The following SLC24A2 variants were observed in gnomAD, a reference collection of about 807,000 sequenced individuals.
The protein encoded by SLC24A2 is solute carrier family 24 member 2, also known as sodium/potassium/calcium exchanger 2.
In SLC24A2, 36 loss-of-function variants were observed where a neutral mutation model predicts 62.0. That is an observed-to-expected ratio of 0.58 (90% CI 0.44 to 0.77). The LOEUF is 0.77. SLC24A2 is among the 30% of genes least tolerant of loss of function. The pLI, the probability that SLC24A2 is intolerant of heterozygous loss-of-function variation, is 0.00. For missense variants in SLC24A2, 846 were observed against 817.9 expected (o/e 1.03, Z -0.42); for synonymous variants, 358 against 294.0 (o/e 1.22, Z -2.23).
rs182686297 is a variant in SLC24A2 at position 19,612,240 on chromosome 9, C to T, written c.1078+7344G>A. Among the ~76,000 whole-genome samples, 22 of 152,260 alleles carry T rather than the reference C, an allele frequency of 1.4e-4. No individual in the cohort carries two copies. The East Asian group carries it at 3.7e-3, about 25-fold the overall frequency. Reference sequence around the variant, plus strand: ...TTCTATACTGAGGTCCTTTTCTGTCCATTTCTTAATAACATTTAGCATTTA... The same window carrying T: ...TTCTATACTGAGGTCCTTTTCTGTCTATTTCTTAATAACATTTAGCATTTA... On this transcript the variant is annotated intron_variant, in intron 4 of 10. Coordinates refer to ENST00000341998, the MANE Select transcript of SLC24A2 (RefSeq NM_020344.4).
chr9:19,995,774 A>G, the SLC24A2 span, among the ~76,000 whole-genome samples: 2 of 152,250 alleles, frequency 1.3e-5, no homozygotes, highest in Non-Finnish European at 2.9e-5. Context: ...AAATCTAGGC[A>G]GTGCACCCCA....
the SLC24A2 span, among the ~76,000 whole-genome samples, chr9:20,064,714 T>C: frequency 6.6e-6 from 1 of 152,204 alleles, no homozygotes; most frequent in African/African-American, 2.4e-5. Flanking sequence ...CTACCTTTCT[T>C]GGCCAACTGA....
chr9:20,275,589 T>C, the SLC24A2 span, among the ~76,000 whole-genome samples: 19 of 152,332 alleles, frequency 1.2e-4, no homozygotes, highest in Admixed American at 9.8e-4. Context: ...CTCATGTCTC[T>C]ATATCCAGGG....
chr9:19,911,416 C>T, the SLC24A2 span, among the ~76,000 whole-genome samples: 1 of 152,052 alleles, frequency 6.6e-6, no homozygotes, highest in African/African-American at 2.4e-5. Context: ...GATTTATAGT[C>T]CTTTGGGTAT....
the SLC24A2 span, among the ~76,000 whole-genome samples, chr9:20,258,196 AAT>A: frequency 3.9e-5 from 6 of 152,190 alleles, no homozygotes; most frequent in Non-Finnish European, 5.9e-5. Context: ...TGATTAAATT[AAT>A]ATGTGTGATT....
chr9:19,954,833 A>G, the SLC24A2 span, among the ~76,000 whole-genome samples: 6 of 152,120 alleles, frequency 3.9e-5, no homozygotes, highest in African/African-American at 7.2e-5. Context: ...CACATCTATA[A>G]GAAGAGAATC....
chr9:20,293,876 T>TGGC, the SLC24A2 span, among the ~76,000 whole-genome samples: 1 of 152,138 alleles, frequency 6.6e-6, no homozygotes, highest in Non-Finnish European at 1.5e-5. Flanking sequence ...GATCAGTCCA[T>TGGC]TTAACTTCAC....
chr9:19,947,808 AAAAGAAAG>A, the SLC24A2 span, among the ~76,000 whole-genome samples: 409 of 59,254 alleles, frequency 6.9e-3, 8 homozygotes, highest in East Asian at 0.037. Context: ...AAAAAAAAAA[AAAAGAAAG>A]AAAGAAAGAA....
At chr9:19,675,725 T>C (rs1819542152) in intron 2 of SLC24A2, among the ~76,000 whole-genome samples, 1 of 152,032 alleles carries the variant, frequency 6.6e-6, no homozygotes, top group Non-Finnish European at 1.5e-5. Context: ...AAGCACCAAG[T>C]TTATTTTCAG....
chr9:20,151,305 G>T, the SLC24A2 span, among the ~76,000 whole-genome samples: 87 of 151,958 alleles, frequency 5.7e-4, 1 homozygote, highest in African/African-American at 2.0e-3. Context: ...GGATTTTATA[G>T]ATCTTTTAAC....
chr9:19,876,232 T>C, the SLC24A2 span, among the ~76,000 whole-genome samples: 2 of 152,188 alleles, frequency 1.3e-5, no homozygotes, highest in African/African-American at 4.8e-5. Flanking sequence ...GTTCAATAGG[T>C]AATAATAAGA....
At chr9:20,066,702 G>T in the SLC24A2 span, among the ~76,000 whole-genome samples, 2 of 152,092 alleles carry the variant, frequency 1.3e-5, no homozygotes, top group Non-Finnish European at 2.9e-5. Flanking sequence ...GCTTAAAAAG[G>T]GCTACTAGGA....
At chr9:19,754,886 G>A (rs1822093430) in intron 2 of SLC24A2, among the ~76,000 whole-genome samples, 1 of 152,088 alleles carries the variant, frequency 6.6e-6, no homozygotes, top group African/African-American at 2.4e-5. Flanking sequence ...ATAGCACACT[G>A]AGACCTAGCC....
chr9:19,978,306 G>T, the SLC24A2 span, among the ~76,000 whole-genome samples: 15 of 152,068 alleles, frequency 9.9e-5, no homozygotes, highest in African/African-American at 3.6e-4. Context: ...ACTTTTATCA[G>T]TTCCTCAAGA....
chr9:19,617,502 A>G (rs2117872959), intron 4 of SLC24A2, among the ~76,000 whole-genome samples: 1 of 152,376 alleles, frequency 6.6e-6, no homozygotes. Flanking sequence ...GTACTAAAAC[A>G]TGAACAGAAA....
intron 2 of SLC24A2, among the ~76,000 whole-genome samples, chr9:19,630,088 T>C (rs553118986): frequency 1.3e-5 from 2 of 152,330 alleles, no homozygotes; most frequent in South Asian, 2.1e-4. Context: ...TAGTCATTAT[T>C]AGATCACTTA....
rs553404743 is a variant in SLC24A2, at chr9:19,592,475, G to A, written c.1129+4754C>T. 1.7e-3 allele frequency among the ~76,000 whole-genome samples: 142 copies of A among 84,526 alleles called. 2 individuals carry two copies. Among genetic ancestry groups the A allele is most frequent in the South Asian group, 0.013 (40 of 3,198 alleles). 55.5% of individuals were successfully genotyped at this position (84,526 alleles called of 152,430 possible). A position where few individuals can be genotyped will look rare whatever the true frequency, so the allele number is the denominator to read the frequency against. On this transcript the variant is annotated intron_variant, in intron 5 of 10. Coordinates refer to ENST00000341998, the MANE Select transcript of SLC24A2 (RefSeq NM_020344.4). ...CAAGATATTAGTTGGGATATCTACC[G>A]ACCTACCTACCTACCTACCCACCTA...
chr9:19,951,157 T>C, the SLC24A2 span, among the ~76,000 whole-genome samples: 1 of 152,134 alleles, frequency 6.6e-6, no homozygotes, highest in African/African-American at 2.4e-5. Flanking sequence ...ACTTACTTCA[T>C]AGAACTTTTG....
chr9:19,581,869 T>C (rs371204868), intron 5 of SLC24A2, among the ~76,000 whole-genome samples: 1 of 152,216 alleles, frequency 6.6e-6, no homozygotes, highest in Admixed American at 6.5e-5. Context: ...GAGTTATTTT[T>C]AACATGTTTC....
Sources: gnomAD v4.1 joint callset for allele counts (sites outside exome capture counted in the v4.1 genomes callset) on GRCh38, gnomAD v4.1.1 for gene constraint, MANE v1.5 for transcripts, NCBI Gene and HGNC (gene_info 2026-07-23, HGNC 2026-07-21) for gene names.